Variants in KIAA2012 observed in about 807,000 individuals in gnomAD.
KIAA2012 encodes the protein KIAA2012.
Under a neutral mutation model 150.6 loss-of-function variants are expected in KIAA2012, and 125 were observed. The ratio of observed to expected loss-of-function variants is 0.83; its 90% CI spans 0.72 to 0.96. The LOEUF is 0.96. Ranked by LOEUF, KIAA2012 falls within the 40% of genes least tolerant of loss-of-function variation. KIAA2012 has a pLI of 0.00. For missense variants in KIAA2012, 1,219 were observed against 1,354.9 expected, an observed-to-expected ratio of 0.90 and a Z score of 1.57; for synonymous variants, 462 against 504.7, an observed-to-expected ratio of 0.92 and a Z score of 1.13.
chr2:202,186,791 G>GAA, intron 16 of KIAA2012, 142 bp from the exon 17 acceptor site: 1 of 711,034 alleles, frequency 1.4e-6, no homozygotes, highest in Non-Finnish European at 2.2e-6. Context: ...GGGATGTGCA[G>GAA]AAGAAAAAGA....
At chr2:202,121,270 A>G (rs913405032) in intron 11 of KIAA2012, among the ~76,000 whole-genome samples, 5 of 152,126 alleles carry the variant, frequency 3.3e-5, no homozygotes, top group Admixed American at 2.0e-4. Context: ...CAAGAGAAAT[A>G]AATGTTTATC....
At chr2:202,138,301 A>G in intron 12 of KIAA2012, 131 bp from the exon 13 acceptor site, 1 of 673,272 alleles carries the variant, frequency 1.5e-6, no homozygotes, top group Non-Finnish European at 2.6e-6. Context: ...TATGAATGCC[A>G]TGGGTGTATA....
intron 14 of KIAA2012, among the ~76,000 whole-genome samples, chr2:202,158,691 GA>G (rs200892931): frequency 2.6e-5 from 4 of 151,076 alleles, no homozygotes; most frequent in East Asian, 1.9e-4. Flanking sequence ...AATCAAAAAA[GA>G]AAAAAAAATT....
At chr2:202,149,054 G>C (rs906259890) in intron 13 of KIAA2012, among the ~76,000 whole-genome samples, 17 of 152,120 alleles carry the variant, frequency 1.1e-4, no homozygotes, top group African/African-American at 3.1e-4. Flanking sequence ...CAGGCCCTTT[G>C]CTCCTGCAGG....
At chr2:202,091,645 C>T (rs1193534504) in intron 3 of KIAA2012, among the ~76,000 whole-genome samples, 2 of 152,178 alleles carry the variant, frequency 1.3e-5, no homozygotes, top group African/African-American at 2.4e-5. Context: ...CTTCAATCTT[C>T]GGGATGTACT....
intron 13 of KIAA2012, among the ~76,000 whole-genome samples, chr2:202,149,365 CA>C (rs891173490): frequency 3.9e-5 from 6 of 152,202 alleles, no homozygotes; most frequent in African/African-American, 1.4e-4. Flanking sequence ...AGGGTTTCAG[CA>C]AAGGCTCCCC....
At chr2:202,134,848 C>T (rs1364300095) in intron 12 of KIAA2012, among the ~76,000 whole-genome samples, 1 of 152,250 alleles carries the variant, frequency 6.6e-6, no homozygotes, top group Admixed American at 6.5e-5. Context: ...AGCCACCACG[C>T]CCTGCCGACT....
At chr2:202,092,619 G>T (rs923784441) in intron 3 of KIAA2012, among the ~76,000 whole-genome samples, 6 of 152,142 alleles carry the variant, frequency 3.9e-5, no homozygotes, top group Non-Finnish European at 7.3e-5. Context: ...CCATTGGGAA[G>T]TCCTCAATAA....
At chr2:202,117,834 C>A (rs564616359) in intron 11 of KIAA2012, among the ~76,000 whole-genome samples, 1 of 152,350 alleles carries the variant, frequency 6.6e-6, no homozygotes, top group African/African-American at 2.4e-5. Flanking sequence ...TGCTGATGTG[C>A]ACCGTGGTTC....
intron 10 of KIAA2012, among the ~76,000 whole-genome samples, chr2:202,110,224 C>T (rs140967112): frequency 2.6e-5 from 4 of 152,262 alleles, no homozygotes; most frequent in Non-Finnish European, 5.9e-5. Flanking sequence ...TTCACAGAGA[C>T]GGAAAGACCC....
At chr2:202,155,330 T>C (rs940880844) in intron 14 of KIAA2012, among the ~76,000 whole-genome samples, 1 of 152,226 alleles carries the variant, frequency 6.6e-6, no homozygotes, top group Non-Finnish European at 1.5e-5. Context: ...GTTTCTATAG[T>C]GAGGGTGGCA....
intron 5 of KIAA2012, among the ~76,000 whole-genome samples, chr2:202,098,946 A>G (rs1224755807): frequency 1.4e-5 from 2 of 147,254 alleles, no homozygotes; most frequent in African/African-American, 5.0e-5. Context: ...AAGGGGGAGA[A>G]GAGCCACAGA....
intron 12 of KIAA2012, among the ~76,000 whole-genome samples, chr2:202,125,654 C>T (rs573675458): frequency 6.6e-6 from 1 of 152,260 alleles, no homozygotes; most frequent in South Asian, 2.1e-4. Context: ...CCTCAGCCTG[C>T]ACACACCACA....
chr2:202,094,689 T>C (rs1402658687), intron 4 of KIAA2012, among the ~76,000 whole-genome samples: 1 of 151,974 alleles, frequency 6.6e-6, no homozygotes, highest in East Asian at 1.9e-4. Context: ...CAGCTAATTT[T>C]TGTATTTTTT....
Position 202,080,691 on chromosome 2 carries a change from C to T in KIAA2012, c.369+5516C>T, listed in dbSNP as rs554581424. 7.9e-3 allele frequency among the ~76,000 whole-genome samples: 751 copies of T among 94,846 alleles called. 7 individuals carry two copies. The highest frequency in any genetic ancestry group is 0.016 in the Admixed American group (136 of 8,498). The allele number at this position is 94,846 out of a possible 152,430, so 62.2% of individuals were successfully genotyped here. On this transcript the variant is annotated intron_variant, in intron 2 of 23. Coordinates refer to ENST00000498697, the MANE Select transcript of KIAA2012 (RefSeq NM_001277372.4). ...AAACTGGGCAACAAGAGCGAAACTC[C>T]GTCTCAAAAAAAAAAAAAAAAAAAA...
intron 2 of KIAA2012, among the ~76,000 whole-genome samples, chr2:202,088,643 A>C (rs1283017152): frequency 6.6e-6 from 1 of 152,178 alleles, no homozygotes; most frequent in Non-Finnish European, 1.5e-5. Context: ...GCTCAGTGGA[A>C]CACCCTTTCA....
intron 12 of KIAA2012, among the ~76,000 whole-genome samples, chr2:202,134,493 G>C (rs946867126): frequency 6.6e-6 from 1 of 152,192 alleles, no homozygotes; most frequent in African/African-American, 2.4e-5. Flanking sequence ...GCCCAAAAGA[G>C]GGTCCCATAC....
chr2:202,140,129 G>A (rs1344723765), intron 13 of KIAA2012, among the ~76,000 whole-genome samples: 1 of 152,166 alleles, frequency 6.6e-6, no homozygotes, highest in Admixed American at 6.5e-5. Flanking sequence ...TCGGGAGGCT[G>A]AGGCAGGAGA....
chr2:202,203,635 G>T (rs1272612469), intron 23 of KIAA2012, among the ~76,000 whole-genome samples: 3 of 152,192 alleles, frequency 2.0e-5, no homozygotes, highest in African/African-American at 7.2e-5. Context: ...TTCCATGACA[G>T]GAAGTTCTAT....
Sources: gnomAD v4.1 joint callset for allele counts (sites outside exome capture counted in the v4.1 genomes callset) on GRCh38, gnomAD v4.1.1 for gene constraint, MANE v1.5 for transcripts, NCBI Gene and HGNC (gene_info 2026-07-23, HGNC 2026-07-21) for gene names.